Variants in ADK observed in about 807,000 individuals in gnomAD.
The protein encoded by ADK is N6,N6-dimethyladenosine kinase.
ADK carries 24 observed loss-of-function variants against 44.7 expected under a neutral mutation model. The observed-to-expected ratio is 0.54, with a 90% CI of 0.39 to 0.76. The LOEUF (loss-of-function observed/expected upper bound fraction) is 0.76, where lower values mean the gene tolerates loss of function less well. Among genes scored for constraint, ADK ranks in the 30% least tolerant of loss-of-function variants. ADK has a pLI of 0.00. For missense variants in ADK, 321 were observed against 425.1 expected, an observed-to-expected ratio of 0.76 and a Z score of 2.15; for synonymous variants, 128 against 142.6, an observed-to-expected ratio of 0.90 and a Z score of 0.73.
intron 8 of ADK, among the ~76,000 whole-genome samples, chr10:74,598,441 CTTTTTTTTTTTT>C (rs915433699): frequency 8.9e-6 from 1 of 111,772 alleles, no homozygotes; most frequent in Non-Finnish European, 1.8e-5. Context: ...AATCTTATTC[CTTTTTTTTTTTT>C]TTTTTTTTTT....
intron 4 of ADK, among the ~76,000 whole-genome samples, chr10:74,375,873 T>C (rs1176382715): frequency 6.6e-6 from 1 of 152,138 alleles, no homozygotes; most frequent in Non-Finnish European, 1.5e-5. Context: ...TTCTGTTTTG[T>C]TTTGGTTTGT....
At chr10:74,557,930 G>A (rs930389489) in intron 7 of ADK, among the ~76,000 whole-genome samples, 3 of 152,192 alleles carry the variant, frequency 2.0e-5, no homozygotes, top group African/African-American at 7.2e-5. Flanking sequence ...AGAAAGGAGT[G>A]TTGAGGTTTG....
chr10:74,245,718 G>A (rs1369738296), intron 3 of ADK, among the ~76,000 whole-genome samples: 1 of 151,588 alleles, frequency 6.6e-6, no homozygotes, highest in African/African-American at 2.4e-5. Flanking sequence ...AGCCTTCTTA[G>A]TAGCTGGGAT....
intron 6 of ADK, among the ~76,000 whole-genome samples, chr10:74,518,791 T>C (rs1365606591): frequency 6.6e-6 from 1 of 152,150 alleles, no homozygotes; most frequent in East Asian, 1.9e-4. Context: ...GTACCTAAAC[T>C]TAACCAGTTT....
chr10:74,233,855 ATT>A (rs1052457636), intron 3 of ADK, among the ~76,000 whole-genome samples: 1 of 152,170 alleles, frequency 6.6e-6, no homozygotes, highest in Non-Finnish European at 1.5e-5. Context: ...TTTCCTGTCA[ATT>A]TTTAGGGGGA....
intron 3 of ADK, among the ~76,000 whole-genome samples, chr10:74,266,184 C>T (rs1475462939): frequency 2.0e-5 from 3 of 152,110 alleles, no homozygotes; most frequent in Non-Finnish European, 4.4e-5. Context: ...AGATAGTGAC[C>T]AGTACAGGAC....
At chr10:74,200,111 G>A (rs1843316782) in intron 1 of ADK, among the ~76,000 whole-genome samples, 1 of 150,318 alleles carries the variant, frequency 6.7e-6, no homozygotes, top group African/African-American at 2.5e-5. Context: ...ATTCCCATCA[G>A]CAGTTTATAA....
chr10:74,192,997 G>T (rs968019867), intron 1 of ADK, among the ~76,000 whole-genome samples: 1 of 152,128 alleles, frequency 6.6e-6, no homozygotes, highest in Admixed American at 6.5e-5. Flanking sequence ...TTATGTATTT[G>T]CCTATTTCTT....
chr10:74,214,542 A>G (rs1172008140), intron 2 of ADK, among the ~76,000 whole-genome samples: 3 of 152,244 alleles, frequency 2.0e-5, no homozygotes, highest in Non-Finnish European at 4.4e-5. Flanking sequence ...TTAACTTGAC[A>G]TTAACTGTGC....
intron 3 of ADK, among the ~76,000 whole-genome samples, chr10:74,245,227 G>T (rs1423380988): frequency 1.3e-5 from 2 of 152,118 alleles, no homozygotes; most frequent in East Asian, 3.9e-4. Flanking sequence ...CTCTCTATAG[G>T]CCAGTAAATA....
chr10:74,271,484 C>A (rs1360014142), intron 3 of ADK, among the ~76,000 whole-genome samples: 3 of 148,856 alleles, frequency 2.0e-5, no homozygotes, highest in Non-Finnish European at 4.4e-5. Flanking sequence ...CACATGTATA[C>A]ATGTGCCATG....
At chr10:74,238,094 C>CA (rs1251720827) in intron 3 of ADK, among the ~76,000 whole-genome samples, 1 of 151,158 alleles carries the variant, frequency 6.6e-6, no homozygotes, top group Middle Eastern at 3.4e-3. Context: ...AACTCCATCT[C>CA]AAAAAAATAA....
chr10:74,565,727 C>CAAAAAAAAAAAAAAA (rs398014155), intron 7 of ADK, among the ~76,000 whole-genome samples: 1 of 63,414 alleles, frequency 1.6e-5, no homozygotes, highest in Non-Finnish European at 3.3e-5. Flanking sequence ...AACTCCGTCT[C>CAAAAAAAAAAAAAAA]AAAAAAAAAA....
Position 74,605,395 on chromosome 10 carries a change from C to T in ADK, c.877+4902C>T, listed in dbSNP as rs147434114. 3.9e-4 allele frequency among the ~76,000 whole-genome samples: 60 copies of T among 152,120 alleles called. 1 individual carries two copies. The East Asian group carries it at 7.5e-3, about 19-fold the overall frequency. The stretch of plus-strand genomic sequence containing the variant: ...GGCTGTGGGTTTGTCATAAATAGTT[C>T]GTATTATTTTAAGATATGTTCCATC... On this transcript the variant is annotated intron_variant, in intron 9 of 10. Coordinates refer to ENST00000539909, the MANE Select transcript of ADK (RefSeq NM_006721.4).
Position 74,651,605 on chromosome 10 carries a change from C to T in ADK, c.878-18578C>T, listed in dbSNP as rs141611949. On this transcript the variant is annotated intron_variant, in intron 9 of 10. Coordinates refer to ENST00000539909, the MANE Select transcript of ADK (RefSeq NM_006721.4). The stretch of plus-strand genomic sequence containing the variant: ...CACTGTTGATGAAGGTTATTTAAAA[C>T]AGAATCAGTGATATGTTAGCAAATA... Among the ~76,000 whole-genome samples the T allele has an allele frequency of 7.0e-3, 1,068 of 152,142 alleles. 6 individuals carry two copies. Among genetic ancestry groups the T allele is most frequent in the African/African-American group, 0.025 (1,033 of 41,496 alleles).
chr10:74,293,281 TA>T (rs1839693390), intron 3 of ADK, among the ~76,000 whole-genome samples: 1 of 151,560 alleles, frequency 6.6e-6, no homozygotes, highest in Admixed American at 6.6e-5. Flanking sequence ...CACACAAATA[TA>T]TTTTTTATAC....
Position 74,162,706 on chromosome 10 carries a change from A to C in ADK, c.65+11363A>C, listed in dbSNP as rs368734966. The stretch of plus-strand genomic sequence containing the variant: ...ATTACAGTCATGCACCACTGTGCCC[A>C]GCTCATTTTTGTATTTTTGTGTTTT... On this transcript the variant is annotated intron_variant, in intron 1 of 10. Transcript: ENST00000539909. Among the ~76,000 whole-genome samples, 15 of 151,084 alleles carry C rather than the reference A, an allele frequency of 9.9e-5. No individual in the cohort carries two copies. In the East Asian group the frequency reaches 2.8e-3, roughly 28 times the overall value.
At chr10:74,520,662 C>T (rs1470372689) in intron 6 of ADK, among the ~76,000 whole-genome samples, 3 of 151,646 alleles carry the variant, frequency 2.0e-5, no homozygotes, top group African/African-American at 7.3e-5. Flanking sequence ...TCTAACATTC[C>T]CTCACGTTTA....
intron 6 of ADK, among the ~76,000 whole-genome samples, chr10:74,474,955 G>A (rs545994507): frequency 1.2e-3 from 178 of 152,108 alleles, no homozygotes; most frequent in African/African-American, 3.3e-3. Flanking sequence ...GTGAAACCCC[G>A]TCTCTACTAA....
Sources: gnomAD v4.1 joint callset for allele counts (sites outside exome capture counted in the v4.1 genomes callset) on GRCh38, gnomAD v4.1.1 for gene constraint, MANE v1.5 for transcripts, NCBI Gene and HGNC (gene_info 2026-07-23, HGNC 2026-07-21) for gene names.